The following PLXNA4 variants were observed in gnomAD, a reference collection of about 807,000 sequenced individuals.
PLXNA4 encodes plexin-A4.
A neutral mutation model predicts 191.8 loss-of-function variants in PLXNA4; 44 were observed. The ratio of observed to expected loss-of-function variants is 0.23; its 90% confidence interval spans 0.18 to 0.29. PLXNA4 has a LOEUF of 0.29. Ranked by LOEUF, PLXNA4 falls within the 10% of genes least tolerant of loss-of-function variation. PLXNA4 has a pLI of 1.00. For missense variants in PLXNA4, 1,800 were observed against 2,488.8 expected (o/e 0.72, Z 5.89); for synonymous variants, 1,082 against 1,009.5 (o/e 1.07, Z -1.36).
intron 3 of PLXNA4, among the ~76,000 whole-genome samples, chr7:132,403,098 A>G (rs888363573): frequency 2.6e-5 from 4 of 152,194 alleles, no homozygotes; most frequent in Admixed American, 6.5e-5. Context: ...AGCCACTTCC[A>G]TGCCAACATC....
chr7:132,626,807 A>G (rs1424683758), intron 2 of PLXNA4, among the ~76,000 whole-genome samples: 1 of 152,164 alleles, frequency 6.6e-6, no homozygotes, highest in African/African-American at 2.4e-5. Context: ...TGTCTCACTC[A>G]AGGTGCATGC....
intron 4 of PLXNA4, among the ~76,000 whole-genome samples, chr7:132,259,436 C>CAAA (rs55902635): frequency 3.0e-4 from 10 of 33,866 alleles, no homozygotes; most frequent in East Asian, 1.2e-3. Flanking sequence ...AACTCCAACT[C>CAAA]AAAAAAAAAA....
chr7:132,487,302 G>C (rs1000724922), intron 3 of PLXNA4, among the ~76,000 whole-genome samples: 2 of 152,274 alleles, frequency 1.3e-5, no homozygotes, highest in South Asian at 4.1e-4. Context: ...AAGGCAGGAA[G>C]TTACTTCTAC....
intron 1 of PLXNA4, among the ~76,000 whole-genome samples, chr7:132,521,073 G>A (rs920485447): frequency 6.6e-6 from 1 of 150,912 alleles, no homozygotes; most frequent in South Asian, 2.1e-4. Context: ...ATTCCACGAT[G>A]AGCCAAAGCT....
chr7:132,550,220 G>A (rs2116564847), intron 1 of PLXNA4, among the ~76,000 whole-genome samples: 1 of 152,316 alleles, frequency 6.6e-6, no homozygotes, highest in South Asian at 2.1e-4. Context: ...CCACAGCATG[G>A]TGGTGAGCCT....
chr7:132,298,299 G>C lies in PLXNA4; in HGVS notation c.1372-77C>G, dbSNP rs1279185720. 7.9e-6 allele frequency: 12 copies of C among 1,527,318 alleles called. No individual in the cohort carries two copies. The East Asian group carries it at 2.0e-4, about 26-fold the overall frequency. The allele number at this position is 1,527,318 out of a possible 1,614,324, so 94.6% of individuals were successfully genotyped here. A position where few individuals can be genotyped will look rare whatever the true frequency, so the allele number is the denominator to read the frequency against. Reference sequence around the variant, plus strand: ...CAGCCAAACTTCAGCCAAAGACCCTGTCAACAGCCAAGGGAGAGGGCATGA... The same window carrying C: ...CAGCCAAACTTCAGCCAAAGACCCTCTCAACAGCCAAGGGAGAGGGCATGA... On this transcript the variant is annotated intron_variant, in intron 3 of 31. Transcript: ENST00000321063.
Position 132,306,207 on chromosome 7 carries a change from G to A in PLXNA4, c.1372-7985C>T, listed in dbSNP as rs1801516397. On this transcript the variant is annotated intron_variant, in intron 3 of 31. Coordinates refer to ENST00000321063, the MANE Select transcript of PLXNA4 (RefSeq NM_020911.2). ...CAGAGCCAGAGTTAGGCCTTGAAGT[G>A]CCCAGAATTGGAAGGAGATCCCTTG... 1.3e-5 allele frequency among the ~76,000 whole-genome samples: 2 copies of A among 152,168 alleles called. 1 individual carries two copies. The highest frequency in any genetic ancestry group is 4.8e-5 in the African/African-American group (2 of 41,434).
chr7:132,229,835 G>T (rs1798463489), intron 5 of PLXNA4, among the ~76,000 whole-genome samples: 2 of 152,018 alleles, frequency 1.3e-5, no homozygotes, highest in South Asian at 4.2e-4. Flanking sequence ...GGGGTACCTG[G>T]ACACCCTGAG....
At chr7:132,398,827 A>G (rs546276713) in intron 3 of PLXNA4, among the ~76,000 whole-genome samples, 9 of 152,248 alleles carry the variant, frequency 5.9e-5, no homozygotes, top group African/African-American at 1.9e-4. Context: ...AGCAGGTGTC[A>G]TTGTCATGAT....
chr7:132,356,344 G>A (rs1410957530), intron 3 of PLXNA4, among the ~76,000 whole-genome samples: 1 of 152,202 alleles, frequency 6.6e-6, no homozygotes, highest in Non-Finnish European at 1.5e-5. Flanking sequence ...TAAGCTTAAT[G>A]ATACCAATTA....
At chr7:132,358,259 C>A (rs1291753583) in intron 3 of PLXNA4, among the ~76,000 whole-genome samples, 1 of 152,242 alleles carries the variant, frequency 6.6e-6, no homozygotes, top group Non-Finnish European at 1.5e-5. Flanking sequence ...CTGTAGCAAG[C>A]ATGTGTGACT....
At chr7:132,247,666 C>A (rs938993684) in intron 4 of PLXNA4, among the ~76,000 whole-genome samples, 3 of 152,212 alleles carry the variant, frequency 2.0e-5, no homozygotes, top group Admixed American at 6.5e-5. Context: ...CTCCTTTGGT[C>A]ACCACTGGCT....
chr7:132,510,530 C>T (rs974550600), intron 1 of PLXNA4, among the ~76,000 whole-genome samples: 1 of 152,190 alleles, frequency 6.6e-6, no homozygotes, highest in Non-Finnish European at 1.5e-5. Context: ...AGGAGCAGAT[C>T]CTCAACGAAT....
At chr7:132,442,903 G>A (rs1012393268) in intron 3 of PLXNA4, among the ~76,000 whole-genome samples, 1 of 152,208 alleles carries the variant, frequency 6.6e-6, no homozygotes, top group Non-Finnish European at 1.5e-5. Flanking sequence ...GGGACACAGT[G>A]CCCAAGGCTG....
At chr7:132,342,074 T>C (rs1221054018) in intron 3 of PLXNA4, among the ~76,000 whole-genome samples, 3 of 151,558 alleles carry the variant, frequency 2.0e-5, no homozygotes, top group African/African-American at 7.3e-5. Context: ...AAGCAATCCA[T>C]CATGGATTTT....
In PLXNA4 at chr7:132,563,894, CCTCCTCCTCCTT is replaced by C. The variant is rs1399094122; in HGVS notation, c.-87+12516_-87+12527del. Among the ~76,000 whole-genome samples, 26 of 124,902 alleles carry C rather than the reference CCTCCTCCTCCTT, an allele frequency of 2.1e-4. 1 individual carries two copies. The highest frequency in any genetic ancestry group is 4.0e-4 in the African/African-American group (13 of 32,438). 81.9% of individuals were successfully genotyped at this position (124,902 alleles called of 152,430 possible). On this transcript the variant is annotated intron_variant, in intron 1 of 31. Coordinates refer to ENST00000321063, the MANE Select transcript of PLXNA4 (RefSeq NM_020911.2). ...TCTTCCTCCTCCTCCTTCTGCTGCT[CCTCCTCCTCCTT>C]CTCCTCCTCCTTCTCCTCCTTTTCC...
intron 3 of PLXNA4, among the ~76,000 whole-genome samples, chr7:132,416,428 G>A (rs1283749615): frequency 6.6e-6 from 1 of 152,154 alleles, no homozygotes; most frequent in East Asian, 1.9e-4. Flanking sequence ...GTGACAACTG[G>A]GGAGGCCAAT....
rs1802213936 is a variant in PLXNA4 at position 132,576,093 on chromosome 7, G to T, written c.-87+329C>A. 6.6e-6 allele frequency among the ~76,000 whole-genome samples: 1 copy of T among 152,192 alleles called. No individual in the cohort carries two copies. Among genetic ancestry groups the T allele is most frequent in the African/African-American group, 2.4e-5 (1 of 41,450 alleles). ...GAAAAATTGCTCCCTCAACCTCCCC[G>T]GGTGGGAGGCAGAGCCGGGAATACA... On this transcript the variant is annotated intron_variant, in intron 1 of 31. Transcript: ENST00000321063. This position sits in a 1 kb window ranked among gnomAD's most constrained non-coding sequence, Gnocchi z 5.8.
rs114485652 is a variant in PLXNA4 at position 132,507,250 on chromosome 7, G to C, written c.1188+256C>G. On this transcript the variant is annotated intron_variant, in intron 2 of 31. Coordinates refer to ENST00000321063, the MANE Select transcript of PLXNA4 (RefSeq NM_020911.2). ...TCCAGCACTCCCCGTCATAACTAGTGAGCCAATATGAGGCAGAGAAAAGTA... is the reference window on the plus strand; with the variant it reads ...TCCAGCACTCCCCGTCATAACTAGTCAGCCAATATGAGGCAGAGAAAAGTA... Among the ~76,000 whole-genome samples, 1,005 of 152,248 alleles carry C rather than the reference G, an allele frequency of 6.6e-3. 12 individuals carry two copies. Among genetic ancestry groups the C allele is most frequent in the African/African-American group, 0.023 (955 of 41,538 alleles).
Sources: gnomAD v4.1 joint callset for allele counts (sites outside exome capture counted in the v4.1 genomes callset) on GRCh38, gnomAD v4.1.1 for gene constraint, Gnocchi (gnomAD v3.1) non-coding constraint, MANE v1.5 for transcripts, NCBI Gene and HGNC (gene_info 2026-07-23, HGNC 2026-07-21) for gene names.